GSE1: variants seen among roughly 807,000 people sequenced by gnomAD.
GSE1 encodes the protein Gse1 coiled-coil protein, also known as genetic suppressor element 1.
GSE1 carries 32 observed loss-of-function variants against 112.6 expected under a neutral mutation model. That is an observed-to-expected ratio of 0.28 (90% CI 0.21 to 0.38). The LOEUF (loss-of-function observed/expected upper bound fraction) is 0.38. GSE1 is among the 10% of genes least tolerant of loss of function. The pLI is 1.00. For missense variants in GSE1, 2,348 were observed against 1,699.2 expected, an observed-to-expected ratio of 1.38 and a Z score of -6.71; for synonymous variants, 1,115 against 735.6, an observed-to-expected ratio of 1.52 and a Z score of -8.35.
Position 85,241,694 on chromosome 16 carries a change from G to A in GSE1, c.2283+69887G>A, listed in dbSNP as rs897178266. 5.3e-5 allele frequency among the ~76,000 whole-genome samples: 8 copies of A among 152,236 alleles called. No individual in the cohort carries two copies. The East Asian group carries it at 7.7e-4, about 15-fold the overall frequency. On this transcript the variant is annotated intron_variant, in intron 1 of 2. Coordinates refer to the GSE1 transcript ENST00000637419. ...GGTCTGCATGACTCTGAAACCCTGCGCTTTATGTACTCAGCCCTCCTAGGG... is the reference window on the plus strand; with the variant it reads ...GGTCTGCATGACTCTGAAACCCTGCACTTTATGTACTCAGCCCTCCTAGGG...
chr16:85,426,089 GAAT>G (rs2048976707), intron 2 of GSE1, among the ~76,000 whole-genome samples: 1 of 80,414 alleles, frequency 1.2e-5, no homozygotes, highest in Non-Finnish European at 3.4e-5. Context: ...ATGGATGGGT[GAAT>G]GAGAGGGAGG....
intron 1 of GSE1, among the ~76,000 whole-genome samples, chr16:85,312,642 C>A (rs1478347851): frequency 1.4e-5 from 2 of 139,930 alleles, no homozygotes; most frequent in African/African-American, 5.5e-5. Flanking sequence ...CAGGTTCCAG[C>A]AGGACATGGG....
intron 1 of GSE1, among the ~76,000 whole-genome samples, chr16:85,629,525 C>G (rs965932574): frequency 6.6e-6 from 1 of 152,258 alleles, no homozygotes; most frequent in Non-Finnish European, 1.5e-5. Context: ...GCAGGTCGAG[C>G]TGGGCCCTGG....
Position 85,240,699 on chromosome 16 carries a change from G to T in GSE1, c.2283+68892G>T, listed in dbSNP as rs141742099. Among the ~76,000 whole-genome samples, 337 of 152,312 alleles carry T rather than the reference G, an allele frequency of 2.2e-3. 12 individuals carry two copies. The East Asian group carries it at 0.052, about 23-fold the overall frequency. On this transcript the variant is annotated intron_variant, in intron 1 of 2. Transcript: ENST00000637419. ...GCGAGGTTCCTCGGGGCCACTGTTGGCATGCTGCCCATAAGGACTGCCATT... is the reference window on the plus strand; with the variant it reads ...GCGAGGTTCCTCGGGGCCACTGTTGTCATGCTGCCCATAAGGACTGCCATT...
chr16:85,200,457 T>TC (rs1331168834), intron 1 of GSE1, among the ~76,000 whole-genome samples: 3 of 151,772 alleles, frequency 2.0e-5, no homozygotes, highest in Non-Finnish European at 4.4e-5. Context: ...TCATGTGGTT[T>TC]CCCCCACGTC....
chr16:85,395,555 G>A (rs149931465), intron 2 of GSE1, among the ~76,000 whole-genome samples: 32 of 152,306 alleles, frequency 2.1e-4, no homozygotes, highest in African/African-American at 6.7e-4. Context: ...CCAGCAGCCA[G>A]CACCCAGCTC....
At chr16:85,258,396 G>A (rs898872796) in intron 1 of GSE1, among the ~76,000 whole-genome samples, 6 of 152,198 alleles carry the variant, frequency 3.9e-5, no homozygotes, top group Admixed American at 1.3e-4. Context: ...ATGTTGAGAC[G>A]AGGCCCACTG....
intron 1 of GSE1, among the ~76,000 whole-genome samples, chr16:85,269,435 T>TGTGG (rs1278108520): frequency 1.6e-5 from 2 of 123,968 alleles, no homozygotes; most frequent in Non-Finnish European, 3.2e-5. Context: ...AGCATGAGTG[T>TGTGG]GTGGGTGTGT....
intron 2 of GSE1, among the ~76,000 whole-genome samples, chr16:85,402,144 T>G (rs899352885): frequency 6.6e-6 from 1 of 152,236 alleles, no homozygotes; most frequent in African/African-American, 2.4e-5. Flanking sequence ...GGAACGCAGC[T>G]TACGGCACAC....
intron 1 of GSE1, among the ~76,000 whole-genome samples, chr16:85,596,062 C>T (rs2047214383): frequency 1.3e-5 from 2 of 151,354 alleles, no homozygotes; most frequent in Non-Finnish European, 2.9e-5. Flanking sequence ...CCGTCCACCC[C>T]TGAACCCATC....
chr16:85,219,014 G>A (rs1199335105), intron 1 of GSE1, among the ~76,000 whole-genome samples: 1 of 152,078 alleles, frequency 6.6e-6, no homozygotes, highest in Non-Finnish European at 1.5e-5. Context: ...CGAGTAGCTG[G>A]GACTACAGGT....
intron 2 of GSE1, among the ~76,000 whole-genome samples, chr16:85,445,435 A>C (rs994434837): frequency 1.3e-5 from 2 of 152,182 alleles, no homozygotes; most frequent in African/African-American, 4.8e-5. Flanking sequence ...GGCCACGCAC[A>C]GCGAGGGGGG....
chr16:85,383,124 T>C (rs2047596284), intron 2 of GSE1, among the ~76,000 whole-genome samples: 1 of 151,286 alleles, frequency 6.6e-6, no homozygotes, highest in African/African-American at 2.4e-5. Flanking sequence ...ACACAGCTCT[T>C]GACACAAACA....
chr16:85,647,305 C>T (rs1003538345), intron 2 of GSE1, among the ~76,000 whole-genome samples: 1 of 152,212 alleles, frequency 6.6e-6, no homozygotes, highest in Non-Finnish European at 1.5e-5. Flanking sequence ...TCTCCCATCC[C>T]TGCTGCGTTT....
intron 1 of GSE1, among the ~76,000 whole-genome samples, chr16:85,200,643 G>A (rs929234115): frequency 6.6e-6 from 1 of 152,148 alleles, no homozygotes; most frequent in African/African-American, 2.4e-5. Context: ...ACCCCAAGAG[G>A]ACATTGCCCT....
At chr16:85,235,026 C>T (rs1331837748) in intron 1 of GSE1, among the ~76,000 whole-genome samples, 7 of 151,888 alleles carry the variant, frequency 4.6e-5, no homozygotes, top group Non-Finnish European at 8.8e-5. Context: ...ATCCCCAGGA[C>T]CCTCAGAGAT....
At chr16:85,265,277 G>T (rs1908119395) in intron 1 of GSE1, among the ~76,000 whole-genome samples, 1 of 152,178 alleles carries the variant, frequency 6.6e-6, no homozygotes, top group Non-Finnish European at 1.5e-5. Context: ...CACCAATCCT[G>T]ACTGCCTGCC....
chr16:85,170,753 C>T (rs2074346462), exon 1 of GSE1: 2 of 985,408 alleles, frequency 2.0e-6, no homozygotes, highest in Non-Finnish European at 2.4e-6. Context: ...CCCCCAGGGG[C>T]ACAGCCCATC....
At chr16:85,171,370 T>G in exon 1 of GSE1, 2 of 985,622 alleles carry the variant, frequency 2.0e-6, no homozygotes, top group South Asian at 9.4e-5. Flanking sequence ...CGCCAGCCGC[T>G]TGGGCGAGAA....
Sources: allele counts gnomAD v4.1 joint callset (sites outside exome capture counted in the v4.1 genomes callset), GRCh38; gene constraint gnomAD v4.1.1; transcripts MANE v1.5; gene names NCBI Gene and HGNC (gene_info 2026-07-23, HGNC 2026-07-21).